The following MCC variants were observed in gnomAD, a reference collection of about 807,000 sequenced individuals.
The protein encoded by MCC is colorectal mutant cancer protein.
A neutral mutation model predicts 116.2 loss-of-function variants in MCC; 90 were observed. That is an observed-to-expected ratio of 0.77 (90% CI 0.65 to 0.92). MCC has a LOEUF of 0.92. Among genes scored for constraint, MCC ranks in the 40% least tolerant of loss-of-function variants. The pLI, the probability that MCC is intolerant of heterozygous loss-of-function variation, is 0.00. For synonymous variants in MCC, 578 were observed against 510.5 expected, an observed-to-expected ratio of 1.13 and a Z score of -1.78; for missense variants, 1,516 against 1,312.2, an observed-to-expected ratio of 1.16 and a Z score of -2.40.
chr5:113,439,176 C>A (rs1019987217), intron 1 of MCC, among the ~76,000 whole-genome samples: 1 of 152,194 alleles, frequency 6.6e-6, no homozygotes, highest in Non-Finnish European at 1.5e-5. Flanking sequence ...GTATAAGGAG[C>A]CTGGGTTGCT....
At chr5:113,407,293 G>T (rs1422162628) in intron 1 of MCC, among the ~76,000 whole-genome samples, 1 of 152,132 alleles carries the variant, frequency 6.6e-6, no homozygotes, top group Non-Finnish European at 1.5e-5. Flanking sequence ...GTTAAAAAAT[G>T]AAAACACTTT....
At chr5:113,028,248 A>G (rs1750704141) in intron 18 of MCC, among the ~76,000 whole-genome samples, 2 of 152,216 alleles carry the variant, frequency 1.3e-5, no homozygotes, top group Non-Finnish European at 2.9e-5. Flanking sequence ...CATCCACATA[A>G]TGTTGACTAC....
intron 3 of MCC, among the ~76,000 whole-genome samples, chr5:113,244,799 T>TATCCTCCAA (rs1477662381): frequency 6.6e-6 from 1 of 152,236 alleles, no homozygotes; most frequent in African/African-American, 2.4e-5. Context: ...ACTTTACTAC[T>TATCCTCCAA]ATCCTCCAAG....
intron 3 of MCC, among the ~76,000 whole-genome samples, chr5:113,303,032 T>C (rs1449303976): frequency 6.6e-6 from 1 of 152,146 alleles, no homozygotes; most frequent in African/African-American, 2.4e-5. Flanking sequence ...GAGAGAAAGA[T>C]AGGAATCAAG....
chr5:113,108,234 G>C (rs1756862670), intron 6 of MCC, among the ~76,000 whole-genome samples: 1 of 150,056 alleles, frequency 6.7e-6, no homozygotes, highest in African/African-American at 2.5e-5. Flanking sequence ...AATGGAGGCT[G>C]AGGCAGGAGA....
At chr5:113,131,188 T>C (rs1758406789) in intron 5 of MCC, among the ~76,000 whole-genome samples, 1 of 152,214 alleles carries the variant, frequency 6.6e-6, no homozygotes, top group African/African-American at 2.4e-5. Flanking sequence ...GAGTAGCTTA[T>C]AGAAAAGAAA....
intron 1 of MCC, among the ~76,000 whole-genome samples, chr5:113,471,119 G>A (rs1014675573): frequency 1.9e-5 from 2 of 104,802 alleles, no homozygotes; most frequent in African/African-American, 4.1e-5. Context: ...TTTGCCATTG[G>A]TTCGAATTTC....
chr5:113,166,056 G>T (rs1489676983), intron 3 of MCC, among the ~76,000 whole-genome samples: 1 of 152,148 alleles, frequency 6.6e-6, no homozygotes, highest in African/African-American at 2.4e-5. Flanking sequence ...CACAGCAAAA[G>T]AAGTGACATC....
chr5:113,027,379 C>G lies in MCC; in HGVS notation c.2983G>C (p.Val995Leu). The change falls in exon 19 of 19, where the codon GTG (valine) becomes CTG (leucine). Residue 995 changes from valine (V) to leucine (L), a missense_variant. Val to Leu is a conservative substitution (Grantham distance 32). Transcript: ENST00000408903. Reference protein sequence around the residue: ...MAMVERHETQVRMLKQRIALL... With the variant: ...MAMVERHETQLRMLKQRIALL... ...GCTATTCTTTGCTTGAGCATCCTCA[C>G]TTGGGTCTCATGTCTCTCCACCATG... The G allele has an allele frequency of 6.2e-7, 1 of 1,614,188 alleles. No homozygotes were observed. Among genetic ancestry groups the G allele is most frequent in the Middle Eastern group, 1.6e-4 (1 of 6,062 alleles).
At chr5:113,189,598 C>G (rs1041194015) in intron 3 of MCC, among the ~76,000 whole-genome samples, 1 of 152,130 alleles carries the variant, frequency 6.6e-6, no homozygotes, top group Non-Finnish European at 1.5e-5. Flanking sequence ...CACTATCTTA[C>G]CCCTTTATAG....
chr5:113,447,314 T>C (rs1442656306), intron 1 of MCC, among the ~76,000 whole-genome samples: 2 of 152,248 alleles, frequency 1.3e-5, no homozygotes, highest in East Asian at 1.9e-4. Context: ...AGTTGAAGCA[T>C]ATGGCTGCAT....
intron 1 of MCC, among the ~76,000 whole-genome samples, chr5:113,403,122 G>T (rs1258080068): frequency 6.6e-6 from 1 of 152,096 alleles, no homozygotes; most frequent in Non-Finnish European, 1.5e-5. Context: ...ACTCTGAGTA[G>T]CACTGTTCTA....
At chr5:113,312,054 C>T (rs1767147323) in intron 3 of MCC, among the ~76,000 whole-genome samples, 1 of 151,494 alleles carries the variant, frequency 6.6e-6, no homozygotes, top group African/African-American at 2.4e-5. Context: ...TGCAGTGAGC[C>T]GAGGTCGCGC....
chr5:113,153,710 CTA>C (rs2150292789), intron 3 of MCC, among the ~76,000 whole-genome samples: 1 of 152,364 alleles, frequency 6.6e-6, no homozygotes, highest in Admixed American at 6.5e-5. Context: ...TGGAATCTAT[CTA>C]TGGGCCCCTC....
intron 3 of MCC, among the ~76,000 whole-genome samples, chr5:113,234,199 A>G (rs920578205): frequency 6.6e-6 from 1 of 152,210 alleles, no homozygotes; most frequent in African/African-American, 2.4e-5. Context: ...AGACATTAAA[A>G]TATATCAAGA....
chr5:113,047,562 G>C (rs565081591), intron 16 of MCC, among the ~76,000 whole-genome samples: 1 of 152,274 alleles, frequency 6.6e-6, no homozygotes, highest in East Asian at 1.9e-4. Context: ...TTCTTTCCCA[G>C]GTATATGGCT....
chr5:113,105,730 C>T (rs1756690802), intron 6 of MCC, among the ~76,000 whole-genome samples: 1 of 152,224 alleles, frequency 6.6e-6, no homozygotes, highest in Non-Finnish European at 1.5e-5. Flanking sequence ...CTCAACTGGA[C>T]CACTGTAACA....
At chr5:113,375,142 C>G (rs1475091323) in intron 2 of MCC, among the ~76,000 whole-genome samples, 1 of 152,062 alleles carries the variant, frequency 6.6e-6, no homozygotes, top group Non-Finnish European at 1.5e-5. Flanking sequence ...TGAATACTTT[C>G]TATTGAGCTC....
chr5:113,414,746 G>T (rs889397849), intron 1 of MCC, among the ~76,000 whole-genome samples: 1 of 152,136 alleles, frequency 6.6e-6, no homozygotes, highest in Middle Eastern at 3.4e-3. Context: ...CTTTTAATTG[G>T]GGCATTTTAG....
Sources: gnomAD v4.1 joint callset for allele counts (sites outside exome capture counted in the v4.1 genomes callset) on GRCh38, gnomAD v4.1.1 for gene constraint, MANE v1.5 for transcripts, NCBI Gene and HGNC (gene_info 2026-07-23, HGNC 2026-07-21) for gene names.